The following ADAR variants were observed in gnomAD, a reference collection of about 807,000 sequenced individuals.
The protein encoded by ADAR is double-stranded RNA-specific adenosine deaminase.
In ADAR, 41 loss-of-function variants were observed where a neutral mutation model predicts 113.2. The ratio of observed to expected loss-of-function variants is 0.36; its 90% CI spans 0.28 to 0.47. ADAR has a LOEUF of 0.47. ADAR is among the 20% of genes least tolerant of loss of function. The pLI is 1.00. For missense variants in ADAR, 1,242 were observed against 1,540.9 expected (o/e 0.81, Z 3.25); for synonymous variants, 605 against 572.6 (o/e 1.06, Z -0.81).
Position 154,598,427 on chromosome 1 carries a change from T to G in ADAR, c.1760A>C (p.Tyr587Ser). ...CTTCTCTGATTCTTTCTCTGTGGAA[T>G]AGTGGGATGATTCTTCTGATTTTCC... ...DSGKSEESSH[Y>S]STEKESEKTA... Residue 587 changes from tyrosine to serine, a missense_variant, in exon 3 of 15, where the codon TAT becomes TCT. Coordinates refer to ENST00000368474, the MANE Select transcript of ADAR (RefSeq NM_001111.5). 6.2e-7 allele frequency: 1 copy of G among 1,614,186 alleles called. No homozygotes were observed.
intron 1 of ADAR, among the ~76,000 whole-genome samples, chr1:154,603,747 T>C (rs1300963802): frequency 6.6e-6 from 1 of 152,034 alleles, no homozygotes; most frequent in Non-Finnish European, 1.5e-5. Context: ...CTTGCTTCCT[T>C]TCCCTGGGGC....
At chr1:154,626,409 C>A (rs1166593320) in intron 1 of ADAR, among the ~76,000 whole-genome samples, 1 of 151,876 alleles carries the variant, frequency 6.6e-6, no homozygotes, top group South Asian at 2.1e-4. Flanking sequence ...GCCACTGCAC[C>A]CGGCCTAAAG....
At chr1:154,605,900 T>C in intron 1 of ADAR, 1 of 814,760 alleles carries the variant, frequency 1.2e-6, no homozygotes, top group Non-Finnish European at 1.5e-6. Context: ...AAAAGCTAAA[T>C]GTTTTTTAAA....
At chr1:154,588,051 C>CTGTAGGAT in intron 11 of ADAR, 74 bp downstream of exon 11, 1 of 1,601,840 alleles carries the variant, frequency 6.2e-7, no homozygotes, top group Non-Finnish European at 8.5e-7. Flanking sequence ...ATCCTAGCAG[C>CTGTAGGAT]CTTGTAGAGA....
Position 154,584,911 on chromosome 1 carries a change from G to A in ADAR, c.3576C>T (p.Tyr1192=), listed in dbSNP as rs768173047. 8.1e-6 allele frequency: 13 copies of A among 1,613,998 alleles called. No homozygotes were observed. Among genetic ancestry groups the A allele is most frequent in the African/African-American group, 6.7e-5 (5 of 74,878 alleles). The change falls in exon 15 of 15, where the codon TAC becomes TAT. Residue 1192 remains tyrosine, a synonymous_variant. Transcript: ENST00000368474. The part of the protein sequence containing the change: ...YGEAKKAARD[Y]ETAKNYFKKG... ...TTTTGAAGTAGTTCTTGGCCGTCTC[G>A]TAGTCACGGGCAGCTTTCTTGGCCT...
chr1:154,585,762 G>T lies in ADAR; in HGVS notation c.3306C>A (p.Asn1102Lys), dbSNP rs1460932071. ...EDGLRHPFIVNHPKVGRVSIY... is the reference protein window; with the variant it reads ...EDGLRHPFIVKHPKVGRVSIY... ...AAGGGGGTTATAGCACCTTGGGGTG[G>T]TTGACAATAAAGGGATGTCGTAGTC... The change falls in exon 13 of 15, where the codon AAC (asparagine) becomes AAA (lysine). Residue 1102 changes from asparagine (N) to lysine (K), a missense_variant. Coordinates refer to ENST00000368474, the MANE Select transcript of ADAR (RefSeq NM_001111.5). The T allele has an allele frequency of 6.2e-7, 1 of 1,613,504 alleles. No individual in the cohort carries two copies.
rs1696978630 is a variant in ADAR at position 154,589,474 on chromosome 1, T to A, written c.2669-12A>T. The stretch of plus-strand genomic sequence containing the variant: ...CACACAGCGATTCCCTAGGAAGGTG[T>A]TTAAAACAGAAATAGAATAATGGAA... On this transcript the variant is annotated splice_polypyrimidine_tract_variant and intron_variant, in intron 8 of 14. Transcript: ENST00000368474. 6.2e-7 allele frequency: 1 copy of A among 1,603,020 alleles called. No homozygotes were observed. Among genetic ancestry groups the A allele is most frequent in the Admixed American group, 1.7e-5 (1 of 59,978 alleles).
At chr1:154,627,914 A>ACCCAC in exon 1 of ADAR, 1 of 463,322 alleles carries the variant, frequency 2.2e-6, no homozygotes, top group Non-Finnish European at 4.2e-6. Flanking sequence ...TGCGGCCGCG[A>ACCCAC]CCCTCCCCCC....
At chr1:154,612,490 G>C (rs1256714638), upstream of ADAR, among the ~76,000 whole-genome samples, 1 of 151,602 alleles carries the variant, frequency 6.6e-6, no homozygotes, top group Non-Finnish European at 1.5e-5. Flanking sequence ...ACCACACCCG[G>C]CTATTTTTTT....
chr1:154,625,697 A>G (rs1254639488), intron 1 of ADAR, among the ~76,000 whole-genome samples: 1 of 152,026 alleles, frequency 6.6e-6, no homozygotes, highest in African/African-American at 2.4e-5. Flanking sequence ...CATCTCTACT[A>G]AAAATACAAA....
chr1:154,606,490 A>C (rs1698197128), intron 1 of ADAR, among the ~76,000 whole-genome samples: 2 of 152,210 alleles, frequency 1.3e-5, no homozygotes, highest in African/African-American at 4.8e-5. Flanking sequence ...ATGAATGTGT[A>C]TGTGTGCGCA....
At chr1:154,622,885 G>A (rs951951583) in intron 1 of ADAR, among the ~76,000 whole-genome samples, 4 of 108,320 alleles carry the variant, frequency 3.7e-5, no homozygotes, top group Admixed American at 3.2e-4. Flanking sequence ...CCTCAAGGTA[G>A]TTTTGTTTTG....
chr1:154,586,192 G>T lies in ADAR; in HGVS notation c.3191C>A (p.Ser1064Tyr). Residue 1064 changes from serine to tyrosine, a missense_variant, in exon 12 of 15, where the codon TCT becomes TAT. Coordinates refer to ENST00000368474, the MANE Select transcript of ADAR (RefSeq NM_001111.5). ...THFLQPIYLK[S>Y]VTLGYLFSQG... ...GGCAGGCCCCTTACCCAATGTGACA[G>T]ATTTGAGATAAATGGGCTGCAGGAA... 1 of 1,614,184 alleles carries T rather than the reference G, an allele frequency of 6.2e-7. No homozygotes were observed. The highest frequency in any genetic ancestry group is 8.5e-7 in the Non-Finnish European group (1 of 1,180,038).
At position 154,584,735 on chromosome 1, in the gene ADAR, G is replaced by A. The variant is rs1696631060; in HGVS notation, c.*71C>T. On this transcript the variant is annotated 3_prime_UTR_variant, in exon 15 of 15. Transcript: ENST00000368474. ...AAAAAAAATCCCCTGACCATGTGAT[G>A]AGGAATGCTACGACCTACCTCTCTC... 2.3e-6 allele frequency: 3 copies of A among 1,291,672 alleles called. No homozygotes were observed. The highest frequency in any genetic ancestry group is 2.2e-6 in the Non-Finnish European group (2 of 896,430). The allele number at this position is 1,291,672 out of a possible 1,614,324, so 80.0% of individuals were successfully genotyped here.
rs532686739 is a variant in ADAR, at chr1:154,590,150, C to T, written c.2496+34G>A. ...CTTAGGAGTTAGGAGGACCCCCCCGCCCCAAAAAAGGCACCAAAAGTAGAC... is the reference window on the plus strand; with the variant it reads ...CTTAGGAGTTAGGAGGACCCCCCCGTCCCAAAAAAGGCACCAAAAGTAGAC... On this transcript the variant is annotated intron_variant, in intron 7 of 14. Coordinates refer to ENST00000368474, the MANE Select transcript of ADAR (RefSeq NM_001111.5). The T allele has an allele frequency of 5.4e-6, 7 of 1,289,370 alleles. 1 individual carries two copies. The highest frequency in any genetic ancestry group is 3.3e-6 in the Non-Finnish European group (3 of 911,984). The allele number at this position is 1,289,370 out of a possible 1,614,324, so 79.9% of individuals were successfully genotyped here. A position where few individuals can be genotyped will look rare whatever the true frequency, so the allele number is the denominator to read the frequency against.
rs16836117 is a variant in ADAR at position 154,593,716 on chromosome 1, T to G, written c.2270+3089A>C. Among the ~76,000 whole-genome samples, 1,162 of 152,246 alleles carry G rather than the reference T, an allele frequency of 7.6e-3. 16 individuals carry two copies. Among genetic ancestry groups the G allele is most frequent in the African/African-American group, 0.026 (1,060 of 41,528 alleles). On this transcript the variant is annotated intron_variant, in intron 6 of 14. Transcript: ENST00000368474. ...GGGCAGATGTGTGTTCTAAATTGGG[T>G]CATGTTGGGCAAAGGGCTACTTTTA...
Position 154,597,828 on chromosome 1 carries a change from T to C in ADAR, c.1934A>G (p.Lys645Arg), listed in dbSNP as rs758799505. Residue 645 changes from lysine to arginine, a missense_variant and splice_region_variant, in exon 4 of 15, where the codon AAG becomes AGG. Coordinates refer to ENST00000368474, the MANE Select transcript of ADAR (RefSeq NM_001111.5). ...TGGACAGAGGACACGTAGGACATAC[T>C]TGGGTTCATGGGCAGGGCCTTCTTT... ...LSKEGPAHEPKFQYCVAVGAQ... is the reference protein window; with the variant it reads ...LSKEGPAHEPRFQYCVAVGAQ... 1 of 1,614,114 alleles carries C rather than the reference T, an allele frequency of 6.2e-7. No homozygotes were observed. The highest frequency in any genetic ancestry group is 2.2e-5 in the East Asian group (1 of 44,874).
chr1:154,612,151 TG>T (rs1402186378), upstream of ADAR, among the ~76,000 whole-genome samples: 1 of 152,118 alleles, frequency 6.6e-6, no homozygotes, highest in Non-Finnish European at 1.5e-5. Flanking sequence ...ACTACACACA[TG>T]GGCTATATCC....
At chr1:154,615,078 G>A (rs1280779253) in intron 1 of ADAR, among the ~76,000 whole-genome samples, 2 of 152,242 alleles carry the variant, frequency 1.3e-5, no homozygotes, top group African/African-American at 4.8e-5. Context: ...GGTTGGGAGA[G>A]GCAAGGAATG....
Sources: allele counts gnomAD v4.1 joint callset (sites outside exome capture counted in the v4.1 genomes callset), GRCh38; gene constraint gnomAD v4.1.1; transcripts MANE v1.5; gene names NCBI Gene and HGNC (gene_info 2026-07-23, HGNC 2026-07-21).